PICALM: variants seen among roughly 807,000 people sequenced by gnomAD.
PICALM encodes phosphatidylinositol-binding clathrin assembly protein.
A neutral mutation model predicts 80.5 loss-of-function variants in PICALM; 40 were observed. The observed-to-expected ratio is 0.50, with a 90% CI of 0.39 to 0.65. PICALM has a LOEUF of 0.65. PICALM is among the 30% of genes least tolerant of loss of function. PICALM has a pLI of 0.00. For synonymous variants in PICALM, 288 were observed against 260.3 expected, an observed-to-expected ratio of 1.11 and a Z score of -1.02; for missense variants, 676 against 778.9, an observed-to-expected ratio of 0.87 and a Z score of 1.57.
At chr11:86,038,227 G>A (rs2095877301) in intron 1 of PICALM, among the ~76,000 whole-genome samples, 1 of 152,076 alleles carries the variant, frequency 6.6e-6, no homozygotes, top group Non-Finnish European at 1.5e-5. Context: ...GGCTGACACA[G>A]GAGAATCGCT....
chr11:86,030,669 G>A (rs1005590409), intron 2 of PICALM, among the ~76,000 whole-genome samples: 5 of 152,164 alleles, frequency 3.3e-5, no homozygotes, highest in Admixed American at 3.3e-4. Context: ...TATCTTATTT[G>A]TTACCCTTTT....
chr11:86,068,316 GC>G (rs529413466), intron 1 of PICALM, among the ~76,000 whole-genome samples: 18 of 152,208 alleles, frequency 1.2e-4, no homozygotes, highest in Non-Finnish European at 2.5e-4. Flanking sequence ...AGAGCAGAAG[GC>G]TGCAGTGGAG....
chr11:86,058,689 A>G (rs2137591685), intron 1 of PICALM, among the ~76,000 whole-genome samples: 1 of 152,284 alleles, frequency 6.6e-6, no homozygotes, highest in East Asian at 1.9e-4. Flanking sequence ...CTTCTAAAAC[A>G]GACACTTCTT....
At chr11:86,058,075 G>A (rs1298380041) in intron 1 of PICALM, among the ~76,000 whole-genome samples, 1 of 152,166 alleles carries the variant, frequency 6.6e-6, no homozygotes, top group Non-Finnish European at 1.5e-5. Flanking sequence ...AAAAAGACTT[G>A]CCAATCCTCT....
chr11:86,003,719 T>G, intron 8 of PICALM: 2 of 248,572 alleles, frequency 8.0e-6, no homozygotes, highest in East Asian at 7.5e-5. Flanking sequence ...ATCTTGCAAG[T>G]ACTTAAATTT....
intron 4 of PICALM, among the ~76,000 whole-genome samples, chr11:86,017,822 T>G (rs1289462255): frequency 6.6e-6 from 1 of 152,166 alleles, no homozygotes; most frequent in African/African-American, 2.4e-5. Flanking sequence ...TTAGAAAATA[T>G]TCACCAAAGT....
chr11:85,980,975 G>A (rs1239256248), intron 17 of PICALM, among the ~76,000 whole-genome samples, 154 bp downstream of exon 17: 1 of 152,162 alleles, frequency 6.6e-6, no homozygotes, highest in Admixed American at 6.5e-5. Flanking sequence ...GTAAATATAG[G>A]CAACCAGCTT....
At chr11:86,033,209 G>C (rs896188726) in intron 1 of PICALM, among the ~76,000 whole-genome samples, 1 of 152,092 alleles carries the variant, frequency 6.6e-6, no homozygotes, top group Non-Finnish European at 1.5e-5. Flanking sequence ...CAGTTTCAAC[G>C]ACAGTACTTT....
In PICALM at chr11:85,995,731, T is replaced by C. The variant is rs537824874; in HGVS notation, c.1258+1095A>G. Among the ~76,000 whole-genome samples, 16 of 152,284 alleles carry C rather than the reference T, an allele frequency of 1.1e-4. No individual in the cohort carries two copies. The East Asian group carries it at 2.7e-3, about 26-fold the overall frequency. On this transcript the variant is annotated intron_variant, in intron 12 of 19. Transcript: ENST00000393346. ...TAACCTTTTCTAAAGCAATTCACAA[T>C]AAGGCAGAAAATAATTAAGAATCCA...
At chr11:86,004,512 C>G (rs1385370043) in intron 8 of PICALM, among the ~76,000 whole-genome samples, 2 of 150,796 alleles carry the variant, frequency 1.3e-5, no homozygotes, top group Admixed American at 1.3e-4. Context: ...TGAATACTTA[C>G]GTTTTTTTTT....
In PICALM at chr11:86,068,902, C is replaced by A; in HGVS notation, c.-122G>T. 14 of 1,352,820 alleles carry A rather than the reference C, an allele frequency of 1.0e-5. No individual in the cohort carries two copies. The highest frequency in any genetic ancestry group is 1.4e-5 in the Non-Finnish European group (14 of 1,025,846). The allele number at this position is 1,352,820 out of a possible 1,614,324, so 83.8% of individuals were successfully genotyped here. On this transcript the variant is annotated 5_prime_UTR_variant, in exon 1 of 20. Coordinates refer to ENST00000393346, the MANE Select transcript of PICALM (RefSeq NM_007166.4). ...CCCCACCGGCTCCTTCCCCGCCTGC[C>A]GGCCTGGGGCGCGGTTCGGGGCCGC...
chr11:85,973,437 G>C (rs766391942), intron 19 of PICALM, among the ~76,000 whole-genome samples: 3 of 152,172 alleles, frequency 2.0e-5, no homozygotes, highest in Non-Finnish European at 2.9e-5. Context: ...GAGAGGGAGA[G>C]AGCAAGCATG....
chr11:85,978,814 C>G (rs2094354996), intron 17 of PICALM: 1 of 152,054 alleles, frequency 6.6e-6, no homozygotes, highest in African/African-American at 2.4e-5. Context: ...TCTATGAACT[C>G]CTAATACTTC....
chr11:86,042,017 G>T (rs977602543), intron 1 of PICALM, among the ~76,000 whole-genome samples: 2 of 152,094 alleles, frequency 1.3e-5, no homozygotes, highest in East Asian at 1.9e-4. Context: ...CTTAATATAA[G>T]AAAGTGTAAA....
At chr11:86,005,430 T>C (rs1235062697) in intron 8 of PICALM, among the ~76,000 whole-genome samples, 2 of 152,126 alleles carry the variant, frequency 1.3e-5, no homozygotes, top group African/African-American at 2.4e-5. Flanking sequence ...CTGGGCACAG[T>C]GACTCACACC....
In PICALM at chr11:85,994,796, G is replaced by A. The variant is rs78660201; in HGVS notation, c.1258+2030C>T. On this transcript the variant is annotated intron_variant, in intron 12 of 19. Transcript: ENST00000393346. ...TCGGCTCATTGCAATTTCCGCCTCC[G>A]GGGTTCAAGTGATTCTCATGCCTCG... Among the ~76,000 whole-genome samples, 1,206 of 152,166 alleles carry A rather than the reference G, an allele frequency of 7.9e-3. 16 individuals carry two copies. Among genetic ancestry groups the A allele is most frequent in the African/African-American group, 0.027 (1,125 of 41,524 alleles).
chr11:85,970,008 G>A (rs2094046268), intron 19 of PICALM, among the ~76,000 whole-genome samples: 1 of 152,178 alleles, frequency 6.6e-6, no homozygotes, highest in Non-Finnish European at 1.5e-5. Flanking sequence ...TTAAGGAGGG[G>A]CAGAGTAAGT....
chr11:86,000,966 G>A (rs2095126453), intron 10 of PICALM, 69 bp downstream of exon 10: 3 of 1,574,464 alleles, frequency 1.9e-6, no homozygotes, highest in East Asian at 4.5e-5. Context: ...CTAAGTCTGT[G>A]CAGAGGCCCC....
intron 1 of PICALM, among the ~76,000 whole-genome samples, chr11:86,036,489 TA>T (rs2095844934): frequency 6.6e-6 from 1 of 152,178 alleles, no homozygotes; most frequent in South Asian, 2.1e-4. Context: ...CTAACCAACA[TA>T]ATTGGACTTT....
Sources: allele counts gnomAD v4.1 joint callset (sites outside exome capture counted in the v4.1 genomes callset), GRCh38; gene constraint gnomAD v4.1.1; transcripts MANE v1.5; gene names NCBI Gene and HGNC (gene_info 2026-07-23, HGNC 2026-07-21).